GATB: variants seen among roughly 807,000 people sequenced by gnomAD.
GATB encodes glutamyl-tRNA(Gln) amidotransferase subunit B, mitochondrial.
In GATB, 39 loss-of-function variants were observed where a neutral mutation model predicts 62.3. The ratio of observed to expected loss-of-function variants is 0.63; its 90% CI spans 0.48 to 0.82. The LOEUF is 0.82. Ranked by LOEUF, GATB falls within the 40% of genes least tolerant of loss-of-function variation. The pLI, the probability that GATB is intolerant of heterozygous loss-of-function variation, is 0.00. For missense variants in GATB, 670 were observed against 684.0 expected, an observed-to-expected ratio of 0.98 and a Z score of 0.23; for synonymous variants, 276 against 258.9, an observed-to-expected ratio of 1.07 and a Z score of -0.63.
intron 2 of GATB, among the ~76,000 whole-genome samples, chr4:151,731,578 C>A (rs951432178): frequency 1.3e-5 from 2 of 152,032 alleles, no homozygotes; most frequent in Non-Finnish European, 2.9e-5. Context: ...GGCCACCCAT[C>A]GTCTGGGATG....
At chr4:151,744,479 A>ATGG (rs1739556564) in intron 2 of GATB, among the ~76,000 whole-genome samples, 1 of 152,172 alleles carries the variant, frequency 6.6e-6, no homozygotes, top group African/African-American at 2.4e-5. Flanking sequence ...GAGGCCAGGC[A>ATGG]TGGTGGCTCA....
chr4:151,758,713 C>A, intron 2 of GATB, 59 bp downstream of exon 2: 1 of 1,278,784 alleles, frequency 7.8e-7, no homozygotes, highest in Non-Finnish European at 1.1e-6. Context: ...AATAATTTTC[C>A]ATGTTCAATA....
chr4:151,681,430 C>T (rs371819829), intron 10 of GATB, among the ~76,000 whole-genome samples: 2 of 122,910 alleles, frequency 1.6e-5, no homozygotes, highest in Non-Finnish European at 3.2e-5. Flanking sequence ...AGAGGGGCAG[C>T]GGGCGGCTAA....
chr4:151,760,919 C>T lies in GATB; in HGVS notation c.64G>A (p.Gly22Ser), dbSNP rs1578947966. The T allele has an allele frequency of 6.2e-7, 1 of 1,613,810 alleles. No individual in the cohort carries two copies. Among genetic ancestry groups the T allele is most frequent in the African/African-American group, 1.3e-5 (1 of 74,930 alleles). ...GCCCCTCTTCGGTGGCAAGAACCACCGTCAACCCGGGCGAAAGCCCAACGT... is the reference window on the plus strand; with the variant it reads ...GCCCCTCTTCGGTGGCAAGAACCACTGTCAACCCGGGCGAAAGCCCAACGT... ...GRRWAFARVD[G>S]GSCHRRGAPT... Residue 22 changes from glycine (G) to serine (S), a missense_variant, in exon 1 of 13, where the codon GGT becomes AGT. Gly to Ser is a moderately conservative substitution (Grantham distance 56). Transcript: ENST00000263985.
chr4:151,671,188 T>G lies in GATB; in HGVS notation c.1660A>C (p.Lys554Gln), dbSNP rs772723186. 1.4e-5 allele frequency: 22 copies of G among 1,614,180 alleles called. No homozygotes were observed. The highest frequency in any genetic ancestry group is 2.2e-5 in the East Asian group (1 of 44,888). Residue 554 changes from lysine (K) to glutamine (Q), a missense_variant, in exon 13 of 13, where the codon AAG (lysine) becomes CAG (glutamine). Physicochemically the swap from Lys to Gln is moderately conservative, Grantham distance 53 (BLOSUM62 1). Transcript: ENST00000263985. ...TCCCAAACATCTCACAATGACAGCT[T>G]CTTCTCCAGGATCTCCTTTATCATG... ...PVMIKEILEK[K>Q]LSL is the part of the protein sequence containing the mutation.
intron 11 of GATB, chr4:151,676,155 G>T (rs1737996895): frequency 6.6e-6 from 1 of 152,112 alleles, no homozygotes; most frequent in South Asian, 2.1e-4. Context: ...AATAAAGCGG[G>T]GCCCAGTAAA....
In GATB at chr4:151,696,179, T is replaced by G. The variant is rs538353520; in HGVS notation, c.1197+5150A>C. Among the ~76,000 whole-genome samples the G allele has an allele frequency of 2.0e-5, 3 of 152,330 alleles. No individual in the cohort carries two copies. In the East Asian group the frequency reaches 5.8e-4, roughly 29 times the overall value. On this transcript the variant is annotated intron_variant, in intron 9 of 12. Coordinates refer to ENST00000263985, the MANE Select transcript of GATB (RefSeq NM_004564.3). ...AGGACGGCTTATATTACTTTTCTTC[T>G]AACTTTATTTTTTCACTTGGAAAAT...
intron 2 of GATB, among the ~76,000 whole-genome samples, chr4:151,729,153 T>C (rs1424688347): frequency 6.6e-6 from 1 of 152,158 alleles, no homozygotes; most frequent in African/African-American, 2.4e-5. Context: ...TGGAGGTTCG[T>C]AAGAGAAAGA....
At chr4:151,754,750 G>C (rs188876982) in intron 2 of GATB, among the ~76,000 whole-genome samples, 1 of 150,148 alleles carries the variant, frequency 6.7e-6, no homozygotes, top group South Asian at 2.1e-4. Context: ...CTTCTTTTTC[G>C]CAATAAAAGT....
At chr4:151,713,324 G>C (rs770475536) in intron 5 of GATB, among the ~76,000 whole-genome samples, 2 of 152,008 alleles carry the variant, frequency 1.3e-5, no homozygotes, top group Non-Finnish European at 2.9e-5. Flanking sequence ...CCCCGCCTTC[G>C]GCCCCCCAAG....
intron 10 of GATB, among the ~76,000 whole-genome samples, chr4:151,681,017 C>T (rs1738127544): frequency 6.6e-6 from 1 of 152,210 alleles, no homozygotes; most frequent in Non-Finnish European, 1.5e-5. Flanking sequence ...TAGTGTTACA[C>T]TGTGTAAATG....
At chr4:151,689,915 A>G (rs574890701) in intron 9 of GATB, among the ~76,000 whole-genome samples, 1 of 152,312 alleles carries the variant, frequency 6.6e-6, no homozygotes, top group Non-Finnish European at 1.5e-5. Context: ...CTATTTCAAT[A>G]AGAAAAATAA....
chr4:151,738,532 A>C lies in GATB; in HGVS notation c.328-18994T>G, dbSNP rs190591579. Among the ~76,000 whole-genome samples the C allele has an allele frequency of 2.0e-5, 3 of 152,320 alleles. No individual in the cohort carries two copies. The East Asian group carries it at 5.8e-4, about 29-fold the overall frequency. On this transcript the variant is annotated intron_variant, in intron 2 of 12. Coordinates refer to ENST00000263985, the MANE Select transcript of GATB (RefSeq NM_004564.3). Reference sequence around the variant, plus strand: ...AACTTCTTTCTTTTGTAAATTGCCCAGTCTCAGGTATGTTTTTATCAGCAG... The same window carrying C: ...AACTTCTTTCTTTTGTAAATTGCCCCGTCTCAGGTATGTTTTTATCAGCAG...
chr4:151,736,678 C>T (rs147300223), intron 2 of GATB, among the ~76,000 whole-genome samples: 1 of 152,320 alleles, frequency 6.6e-6, no homozygotes, highest in African/African-American at 2.4e-5. Context: ...AACATGAGTA[C>T]TGATATGGTT....
At chr4:151,685,774 G>A (rs1041396028) in intron 10 of GATB, among the ~76,000 whole-genome samples, 5 of 152,198 alleles carry the variant, frequency 3.3e-5, no homozygotes, top group South Asian at 2.1e-4. Flanking sequence ...ACCAAGAGGC[G>A]CGGTGGCTCA....
intron 2 of GATB, chr4:151,721,957 C>A: frequency 1.8e-6 from 1 of 545,644 alleles, no homozygotes; most frequent in South Asian, 2.4e-5. Flanking sequence ...TACAGTGATA[C>A]TGAGAATATG....
At chr4:151,684,411 G>T (rs992661830) in intron 10 of GATB, among the ~76,000 whole-genome samples, 1 of 152,212 alleles carries the variant, frequency 6.6e-6, no homozygotes, top group African/African-American at 2.4e-5. Context: ...TCAACAAGAG[G>T]TTGGACCCTT....
At chr4:151,699,541 T>A (rs894199208) in intron 9 of GATB, among the ~76,000 whole-genome samples, 1 of 152,060 alleles carries the variant, frequency 6.6e-6, no homozygotes, top group Non-Finnish European at 1.5e-5. Flanking sequence ...GCAGGACCCA[T>A]GAATAAAGAC....
At chr4:151,760,633 G>C (rs916232819) in intron 1 of GATB, among the ~76,000 whole-genome samples, 174 bp downstream of exon 1, 7 of 152,150 alleles carry the variant, frequency 4.6e-5, no homozygotes, top group African/African-American at 1.7e-4. Context: ...TATGGGGGCG[G>C]AGTTGATAGA....
Sources: gnomAD v4.1 joint callset for allele counts (sites outside exome capture counted in the v4.1 genomes callset) on GRCh38, gnomAD v4.1.1 for gene constraint, MANE v1.5 for transcripts, NCBI Gene and HGNC (gene_info 2026-07-23, HGNC 2026-07-21) for gene names.